CDC42BPB: variants seen among roughly 807,000 people sequenced by gnomAD.
The protein encoded by CDC42BPB is serine/threonine-protein kinase MRCK beta.
CDC42BPB carries 37 observed loss-of-function variants against 214.9 expected under a neutral mutation model. The observed-to-expected ratio is 0.17, with a 90% CI of 0.13 to 0.23. CDC42BPB has a LOEUF of 0.23. Among genes scored for constraint, CDC42BPB ranks in the 10% least tolerant of loss-of-function variants. The pLI is 1.00. For missense variants in CDC42BPB, 1,694 were observed against 2,227.0 expected (o/e 0.76, Z 4.82); for synonymous variants, 931 against 884.0 (o/e 1.05, Z -0.94).
intron 26 of CDC42BPB, among the ~76,000 whole-genome samples, chr14:102,949,148 C>T (rs776378887): frequency 6.6e-6 from 1 of 152,214 alleles, no homozygotes; most frequent in African/African-American, 2.4e-5. Context: ...CTGAGCTAGG[C>T]CTCTTAGTGA....
At chr14:103,056,673 G>T (rs948492740) in intron 1 of CDC42BPB, among the ~76,000 whole-genome samples, 8 of 151,748 alleles carry the variant, frequency 5.3e-5, no homozygotes, top group African/African-American at 9.7e-5. Flanking sequence ...GGGCCCGGCG[G>T]GGGGGAGGGG....
Position 103,004,522 on chromosome 14 carries a change from G to T in CDC42BPB, c.352-499C>A, listed in dbSNP as rs940790242. On this transcript the variant is annotated intron_variant, in intron 3 of 36. Transcript: ENST00000361246. This position sits in a 1 kb window ranked among gnomAD's most constrained non-coding sequence, Gnocchi z 5.3. ...AATTGTCACAGATTCCACTAGGGAG[G>T]CCTACAGCCAGCAGCACAGGGCAAG... Among the ~76,000 whole-genome samples the T allele has an allele frequency of 1.3e-5, 2 of 152,324 alleles. No individual in the cohort carries two copies. Among genetic ancestry groups the T allele is most frequent in the East Asian group, 3.9e-4 (2 of 5,182 alleles).
intron 30 of CDC42BPB, 23 bp from the exon 31 acceptor site, chr14:102,940,347 G>A (rs762300019): frequency 6.4e-7 from 1 of 1,553,762 alleles, no homozygotes; most frequent in Non-Finnish European, 8.7e-7. Context: ...GAGCAGGGCG[G>A]GGTGAGCCAC....
rs906845081 is a variant in CDC42BPB, at chr14:103,023,629, A to G, written c.176-11441T>C. ...ATCCTAATTGTTTTTTCTTTGGTAG[A>G]AATTAATAATTTTACTCACTGGTTT... On this transcript the variant is annotated intron_variant, in intron 1 of 36. Coordinates refer to ENST00000361246, the MANE Select transcript of CDC42BPB (RefSeq NM_006035.4). Among the ~76,000 whole-genome samples, 99 of 152,130 alleles carry G rather than the reference A, an allele frequency of 6.5e-4. 1 individual carries two copies. The highest frequency in any genetic ancestry group is 2.1e-4 in the Non-Finnish European group (14 of 68,026).
intron 1 of CDC42BPB, among the ~76,000 whole-genome samples, chr14:103,014,439 T>A (rs1886344066): frequency 6.6e-6 from 1 of 152,192 alleles, no homozygotes; most frequent in African/African-American, 2.4e-5. Context: ...TCACTACAGT[T>A]TTATGAAAGG....
Position 102,972,158 on chromosome 14 carries a change from G to A in CDC42BPB, c.1645C>T (p.Leu549=). The A allele has an allele frequency of 6.2e-7, 1 of 1,613,280 alleles. No homozygotes were observed. The highest frequency in any genetic ancestry group is 8.5e-7 in the Non-Finnish European group (1 of 1,179,476). ...RQEKEELHKQ[L]VEASERLKSQ... ...TTCAACCGCTCTGAGGCTTCAACCA[G>A]TTGCTGAACAAAAACAATTATAGAT... Residue 549 remains leucine, a synonymous_variant, in exon 13 of 37, where the codon CTG becomes TTG. Coordinates refer to ENST00000361246, the MANE Select transcript of CDC42BPB (RefSeq NM_006035.4).
chr14:102,964,305 G>A (rs1201511537), intron 19 of CDC42BPB, among the ~76,000 whole-genome samples, 197 bp downstream of exon 19: 3 of 152,226 alleles, frequency 2.0e-5, no homozygotes, highest in East Asian at 1.9e-4. Flanking sequence ...CTGCACCCTC[G>A]CGGCCACCTC....
chr14:103,008,374 G>C (rs1351044375), intron 3 of CDC42BPB, 98 bp downstream of exon 3: 2 of 803,050 alleles, frequency 2.5e-6, no homozygotes, highest in Non-Finnish European at 4.4e-6. Context: ...GGAGGCCCAG[G>C]GCTGTGGGGT....
chr14:103,046,701 T>C (rs1446452041), intron 1 of CDC42BPB, among the ~76,000 whole-genome samples: 1 of 152,148 alleles, frequency 6.6e-6, no homozygotes, highest in Non-Finnish European at 1.5e-5. Context: ...TCACCCAGGC[T>C]GGTGTGCAGT....
At position 102,976,169 on chromosome 14, in the gene CDC42BPB, A is replaced by C. The variant is rs2295830; in HGVS notation, c.1221-120T>G. ...AAATCAGCAAACAAAAACACCTGAG[A>C]TAAGACTTTATGGTTTATGGAACCA... is the stretch of plus-strand genomic sequence containing the variant. On this transcript the variant is annotated intron_variant, in intron 9 of 36. Transcript: ENST00000361246. 1.9e-5 allele frequency: 28 copies of C among 1,482,122 alleles called. No homozygotes were observed. The East Asian group carries it at 6.2e-4, about 33-fold the overall frequency. 91.8% of individuals were successfully genotyped at this position (1,482,122 alleles called of 1,614,324 possible). A position where few individuals can be genotyped will look rare whatever the true frequency, so the allele number is the denominator to read the frequency against.
At chr14:103,020,424 A>G (rs529301649) in intron 1 of CDC42BPB, among the ~76,000 whole-genome samples, 1 of 152,314 alleles carries the variant, frequency 6.6e-6, no homozygotes, top group African/African-American at 2.4e-5. Context: ...TGCCTGGAGC[A>G]GCACCTCCAC....
chr14:102,954,667 C>T lies in CDC42BPB; in HGVS notation c.2923G>A (p.Glu975Lys). The change falls in exon 22 of 37, where the codon GAA becomes AAA. Residue 975 changes from glutamate to lysine, a missense_variant. Coordinates refer to ENST00000361246, the MANE Select transcript of CDC42BPB (RefSeq NM_006035.4). ...GCTTCTGGCTTCGGAGCTTGTGTTT[C>T]TTGCTCACTAGCTGAGCTGGTCTGT... ...TFRTSSASEQ[E>K]TQAPKPEASP... 1 of 1,613,936 alleles carries T rather than the reference C, an allele frequency of 6.2e-7. No individual in the cohort carries two copies. The highest frequency in any genetic ancestry group is 1.1e-5 in the South Asian group (1 of 91,036).
chr14:103,038,028 CAA>C (rs59999600), intron 1 of CDC42BPB, among the ~76,000 whole-genome samples: 10,173 of 118,712 alleles, frequency 0.086, 801 homozygotes, highest in African/African-American at 0.23. Flanking sequence ...GACTCCGTCT[CAA>C]AAAAAAAAAA....
rs1406044907 is a variant in CDC42BPB at position 102,943,699 on chromosome 14, C to T, written c.4408+192G>A. ...TCAGGGAGAGAGGTTGCTGAGCCCGCCTACTGCTGGTCTGAGACGTGAGAT... is the reference window on the plus strand; with the variant it reads ...TCAGGGAGAGAGGTTGCTGAGCCCGTCTACTGCTGGTCTGAGACGTGAGAT... On this transcript the variant is annotated intron_variant, in intron 30 of 36. Coordinates refer to ENST00000361246, the MANE Select transcript of CDC42BPB (RefSeq NM_006035.4). This position sits in a 1 kb window ranked among gnomAD's most constrained non-coding sequence, Gnocchi z 4.6. 1.2e-5 allele frequency: 7 copies of T among 581,884 alleles called. No homozygotes were observed. The highest frequency in any genetic ancestry group is 9.0e-6 in the Non-Finnish European group (3 of 333,590). The allele number at this position is 581,884 out of a possible 1,614,324, so 36.0% of individuals were successfully genotyped here.
intron 1 of CDC42BPB, among the ~76,000 whole-genome samples, chr14:103,026,345 C>G (rs1432416431): frequency 3.9e-5 from 6 of 151,914 alleles, no homozygotes; most frequent in South Asian, 2.1e-4. Context: ...GAGCCGAGAT[C>G]ACGCCATTGC....
intron 20 of CDC42BPB, among the ~76,000 whole-genome samples, chr14:102,960,686 C>A (rs1208563265): frequency 2.0e-5 from 3 of 152,242 alleles, no homozygotes; most frequent in Non-Finnish European, 4.4e-5. Flanking sequence ...GGGAGAAGAT[C>A]CAGAAACAGA....
intron 3 of CDC42BPB, among the ~76,000 whole-genome samples, chr14:103,005,399 T>C (rs886427292): frequency 7.2e-5 from 11 of 152,194 alleles, no homozygotes; most frequent in African/African-American, 2.7e-4. Context: ...AGGTTTTCTT[T>C]TCTAAACTTT....
At chr14:103,016,227 G>A (rs1886451681) in intron 1 of CDC42BPB, among the ~76,000 whole-genome samples, 1 of 152,198 alleles carries the variant, frequency 6.6e-6, no homozygotes, top group African/African-American at 2.4e-5. Context: ...GCTGGCGTGG[G>A]GAAAACTCCA....
In CDC42BPB at chr14:102,949,733, C is replaced by G. The variant is rs1425489607; in HGVS notation, c.3449+32G>C. The G allele has an allele frequency of 2.3e-5, 37 of 1,611,240 alleles. 1 individual carries two copies. Among genetic ancestry groups the G allele is most frequent in the Non-Finnish European group, 2.5e-5 (30 of 1,178,668 alleles). ...GCTAAAGATAGCTGAGGAAGATTCA[C>G]AGAGCAAGGACAGTGCTGCCCAAAC... On this transcript the variant is annotated intron_variant, in intron 26 of 36. Coordinates refer to ENST00000361246, the MANE Select transcript of CDC42BPB (RefSeq NM_006035.4).
Sources: gnomAD v4.1 joint callset for allele counts (sites outside exome capture counted in the v4.1 genomes callset) on GRCh38, gnomAD v4.1.1 for gene constraint, Gnocchi (gnomAD v3.1) non-coding constraint, MANE v1.5 for transcripts, NCBI Gene and HGNC (gene_info 2026-07-23, HGNC 2026-07-21) for gene names.